The following PLCL1 variants were observed in gnomAD, a reference collection of about 807,000 sequenced individuals.
PLCL1 encodes the protein phospholipase C like 1 (inactive).
A neutral mutation model predicts 84.4 loss-of-function variants in PLCL1; 41 were observed. The ratio of observed to expected loss-of-function variants is 0.49; its 90% CI spans 0.38 to 0.63. The LOEUF is 0.63. Ranked by LOEUF, PLCL1 falls within the 30% of genes least tolerant of loss-of-function variation. The probability of loss-of-function intolerance (pLI) is 0.00; values close to 1 mark genes in which losing one functional copy is unlikely to be tolerated. For synonymous variants in PLCL1, 490 were observed against 488.3 expected, an observed-to-expected ratio of 1.00 and a Z score of -0.05; for missense variants, 1,206 against 1,367.8, an observed-to-expected ratio of 0.88 and a Z score of 1.87.
At chr2:198,142,077 A>G (rs1694400789) in intron 5 of PLCL1, among the ~76,000 whole-genome samples, 1 of 152,120 alleles carries the variant, frequency 6.6e-6, no homozygotes, top group South Asian at 2.1e-4. Context: ...GGTGTGAAGG[A>G]GCCTGGGATG....
chr2:198,118,589 C>T (rs1693799327), intron 5 of PLCL1, among the ~76,000 whole-genome samples: 1 of 151,998 alleles, frequency 6.6e-6, no homozygotes, highest in African/African-American at 2.4e-5. Flanking sequence ...ATCAGCACAA[C>T]CAGTATTATT....
At chr2:198,049,766 C>T (rs933737979) in intron 1 of PLCL1, among the ~76,000 whole-genome samples, 2 of 152,158 alleles carry the variant, frequency 1.3e-5, no homozygotes, top group African/African-American at 4.8e-5. Flanking sequence ...GTCACACTGT[C>T]CCTGACTTCA....
intron 1 of PLCL1, among the ~76,000 whole-genome samples, chr2:198,071,859 T>C (rs1692472587): frequency 6.6e-6 from 1 of 151,922 alleles, no homozygotes; most frequent in Non-Finnish European, 1.5e-5. Flanking sequence ...ATTTCTGTGT[T>C]TTATTTAATC....
intron 1 of PLCL1, among the ~76,000 whole-genome samples, chr2:197,867,864 C>A (rs1195244879): frequency 3.3e-5 from 5 of 152,194 alleles, no homozygotes; most frequent in Middle Eastern, 3.4e-3. Flanking sequence ...CAGAAATACT[C>A]ATAAAAAAAA....
chr2:197,835,244 A>G (rs753580139), intron 1 of PLCL1, among the ~76,000 whole-genome samples: 5 of 152,208 alleles, frequency 3.3e-5, no homozygotes, highest in Non-Finnish European at 5.9e-5. Flanking sequence ...GTGTGTAACT[A>G]TGTAACAAAC....
Position 198,012,656 on chromosome 2 carries a change from A to AT in PLCL1, c.241-71093dup, listed in dbSNP as rs375478254. ...TCTTCTCTTGTTGTCTTCGTGTTTC[A>AT]TTTTTTTTTGTAGTGACATGTTTTG... On this transcript the variant is annotated intron_variant, in intron 1 of 5. Coordinates refer to ENST00000428675, the MANE Select transcript of PLCL1 (RefSeq NM_006226.4). Among the ~76,000 whole-genome samples, 40 of 146,890 alleles carry AT rather than the reference A, an allele frequency of 2.7e-4. 2 individuals are homozygous for AT. The highest frequency in any genetic ancestry group is 6.2e-4 in the African/African-American group (25 of 40,110).
chr2:198,105,282 C>T (rs1212554205), intron 5 of PLCL1, among the ~76,000 whole-genome samples: 2 of 151,994 alleles, frequency 1.3e-5, no homozygotes, highest in African/African-American at 2.4e-5. Context: ...AGTCCTTTCT[C>T]TATTGCTTGT....
rs768185338 is a variant in PLCL1, at chr2:198,013,514, C to T, written c.241-70244C>T. ...TACTCCAAGACTCTGTGTCTATGTA[C>T]CATGCTGATTAATATTATACTAGAA... On this transcript the variant is annotated intron_variant, in intron 1 of 5. Transcript: ENST00000428675. 2.0e-5 allele frequency among the ~76,000 whole-genome samples: 3 copies of T among 152,112 alleles called. No homozygotes were observed. In the South Asian group the frequency reaches 6.2e-4, roughly 32 times the overall value.
intron 5 of PLCL1, among the ~76,000 whole-genome samples, chr2:198,126,761 T>C (rs1693995676): frequency 6.6e-6 from 1 of 151,934 alleles, no homozygotes; most frequent in Admixed American, 6.6e-5. Context: ...AAAAATTAGC[T>C]GGGCATGGTG....
At chr2:197,964,318 T>A (rs1689684646) in intron 1 of PLCL1, among the ~76,000 whole-genome samples, 1 of 152,146 alleles carries the variant, frequency 6.6e-6, no homozygotes, top group Non-Finnish European at 1.5e-5. Context: ...TTTCAGTTTT[T>A]TGGTTAATTC....
intron 1 of PLCL1, among the ~76,000 whole-genome samples, chr2:197,862,636 G>A (rs552759928): frequency 4.5e-4 from 69 of 152,174 alleles, no homozygotes; most frequent in African/African-American, 1.7e-3. Flanking sequence ...CTTGATGTGG[G>A]AACACTTTAG....
intron 1 of PLCL1, among the ~76,000 whole-genome samples, chr2:197,933,616 T>C (rs958369241): frequency 2.6e-5 from 4 of 152,172 alleles, no homozygotes; most frequent in Admixed American, 1.3e-4. Flanking sequence ...AATTGGTGAA[T>C]TGACTATTTG....
intron 1 of PLCL1, among the ~76,000 whole-genome samples, chr2:197,955,532 C>T (rs1689467938): frequency 6.6e-6 from 1 of 150,770 alleles, no homozygotes. Flanking sequence ...GATCTTTCCT[C>T]CCCTTACTCC....
At chr2:198,024,635 T>C (rs1231622839) in intron 1 of PLCL1, among the ~76,000 whole-genome samples, 1 of 152,034 alleles carries the variant, frequency 6.6e-6, no homozygotes, top group African/African-American at 2.4e-5. Context: ...TGGTGACACA[T>C]GCCTGTGATC....
chr2:198,065,131 G>A (rs1160571567), intron 1 of PLCL1, among the ~76,000 whole-genome samples: 1 of 152,140 alleles, frequency 6.6e-6, no homozygotes, highest in Non-Finnish European at 1.5e-5. Context: ...TCTATTTGAA[G>A]GAAGGGAAAT....
chr2:197,934,956 T>G (rs1689020128), intron 1 of PLCL1, among the ~76,000 whole-genome samples: 1 of 152,014 alleles, frequency 6.6e-6, no homozygotes, highest in African/African-American at 2.4e-5. Context: ...ACAACTCCAT[T>G]AGAAAGTGGG....
At chr2:197,899,244 T>G (rs1054635080) in intron 1 of PLCL1, among the ~76,000 whole-genome samples, 6 of 152,102 alleles carry the variant, frequency 3.9e-5, no homozygotes, top group Non-Finnish European at 8.8e-5. Context: ...TTTACATATA[T>G]TTAGGTTGTC....
At chr2:197,929,821 C>T (rs151209532) in intron 1 of PLCL1, among the ~76,000 whole-genome samples, 1 of 152,002 alleles carries the variant, frequency 6.6e-6, no homozygotes, top group Non-Finnish European at 1.5e-5. Context: ...ACTTGCATTG[C>T]CTCATCCTTT....
At chr2:197,933,639 A>G (rs187910059) in intron 1 of PLCL1, among the ~76,000 whole-genome samples, 142 of 152,292 alleles carry the variant, frequency 9.3e-4, no homozygotes, top group African/African-American at 2.8e-3. Flanking sequence ...CTGGTTCATT[A>G]TCATCGTGGA....
Sources: allele counts gnomAD v4.1 joint callset (sites outside exome capture counted in the v4.1 genomes callset), GRCh38; gene constraint gnomAD v4.1.1; transcripts MANE v1.5; gene names NCBI Gene and HGNC (gene_info 2026-07-23, HGNC 2026-07-21).